The following DGKB variants were observed in gnomAD, a reference collection of about 807,000 sequenced individuals.
The protein encoded by DGKB is diacylglycerol kinase beta.
Under a neutral mutation model 114.3 loss-of-function variants are expected in DGKB, and 67 were observed. The observed-to-expected ratio is 0.59, with a 90% CI of 0.48 to 0.72. The LOEUF (loss-of-function observed/expected upper bound fraction) is 0.72. DGKB is among the 30% of genes least tolerant of loss of function. DGKB has a pLI of 0.00. For synonymous variants in DGKB, 398 were observed against 323.1 expected (o/e 1.23, Z -2.49); for missense variants, 907 against 975.2 (o/e 0.93, Z 0.93).
chr7:14,161,022 A>C (rs548908901), intron 25 of DGKB, among the ~76,000 whole-genome samples: 3 of 152,246 alleles, frequency 2.0e-5, no homozygotes, highest in Non-Finnish European at 4.4e-5. Context: ...GACACTTCTC[A>C]AAAGAAGACA....
intron 20 of DGKB, among the ~76,000 whole-genome samples, chr7:14,526,969 T>G (rs1043287798): frequency 6.6e-6 from 1 of 152,164 alleles, no homozygotes; most frequent in African/African-American, 2.4e-5. Flanking sequence ...ACTAGTAATA[T>G]GTTTAATTCA....
intron 1 of DGKB, among the ~76,000 whole-genome samples, chr7:14,869,464 A>C (rs1004818410): frequency 9.8e-5 from 15 of 152,308 alleles, no homozygotes; most frequent in African/African-American, 3.6e-4. Context: ...ATTAAGAAAC[A>C]TTCTTTGTAT....
chr7:14,864,278 A>G (rs1196050791), intron 1 of DGKB, among the ~76,000 whole-genome samples: 1 of 152,142 alleles, frequency 6.6e-6, no homozygotes, highest in Non-Finnish European at 1.5e-5. Context: ...AGCAGAATCT[A>G]TGTCAAATAT....
rs1413686940 is a variant in DGKB at position 14,601,221 on chromosome 7, T to C, written c.1433+6213A>G. ...CACAGATGGAGTGGCCCAGGAGTGC[T>C]GCACTAGAATGCATTGAGCAGAAAC... On this transcript the variant is annotated intron_variant, in intron 17 of 25. Transcript: ENST00000402815. Among the ~76,000 whole-genome samples the C allele has an allele frequency of 2.6e-5, 4 of 152,168 alleles. No individual in the cohort carries two copies. In the East Asian group the frequency reaches 7.7e-4, roughly 29 times the overall value.
chr7:14,207,205 A>G (rs1371644004), intron 23 of DGKB, among the ~76,000 whole-genome samples: 2 of 152,096 alleles, frequency 1.3e-5, no homozygotes, highest in Admixed American at 6.6e-5. Context: ...TATGTGATCC[A>G]TCAACATATG....
At chr7:14,259,379 T>TTCTC (rs752185464) in intron 23 of DGKB, among the ~76,000 whole-genome samples, 140 of 142,370 alleles carry the variant, frequency 9.8e-4, no homozygotes, top group South Asian at 3.7e-3. Context: ...CTAGTAAAGT[T>TTCTC]TCTCTCTCTC....
chr7:14,326,503 T>C (rs1416976095), intron 23 of DGKB, among the ~76,000 whole-genome samples: 4 of 152,102 alleles, frequency 2.6e-5, no homozygotes, highest in Non-Finnish European at 5.9e-5. Context: ...GGAATCACCA[T>C]AGAATGGACA....
intron 2 of DGKB, among the ~76,000 whole-genome samples, chr7:14,839,968 A>G (rs1427375618): frequency 6.6e-6 from 1 of 152,158 alleles, no homozygotes; most frequent in Non-Finnish European, 1.5e-5. Flanking sequence ...TTCAGATAAT[A>G]TACATGAAGC....
chr7:14,610,336 C>T (rs988141706), intron 16 of DGKB, among the ~76,000 whole-genome samples: 5 of 151,938 alleles, frequency 3.3e-5, no homozygotes, highest in African/African-American at 1.2e-4. Context: ...TGAGAACACA[C>T]ACACTTAAAC....
intron 23 of DGKB, among the ~76,000 whole-genome samples, chr7:14,309,607 C>T (rs1181132263): frequency 6.6e-6 from 1 of 152,182 alleles, no homozygotes; most frequent in Non-Finnish European, 1.5e-5. Flanking sequence ...TTTCTCTGGG[C>T]CTGCAGAAGT....
chr7:14,870,162 C>T (rs574214512), intron 1 of DGKB, among the ~76,000 whole-genome samples: 1 of 152,204 alleles, frequency 6.6e-6, no homozygotes, highest in African/African-American at 2.4e-5. Flanking sequence ...CCATTCTCAC[C>T]TAACACCCAG....
At chr7:14,487,640 A>C (rs1266633963) in intron 20 of DGKB, among the ~76,000 whole-genome samples, 1 of 139,100 alleles carries the variant, frequency 7.2e-6, no homozygotes, top group African/African-American at 2.6e-5. Flanking sequence ...GCTGGAGTGC[A>C]GTGGTGACAT....
At chr7:14,792,283 T>G (rs1044224877) in intron 2 of DGKB, among the ~76,000 whole-genome samples, 1 of 152,150 alleles carries the variant, frequency 6.6e-6, no homozygotes, top group Non-Finnish European at 1.5e-5. Flanking sequence ...TAATAATGAA[T>G]GTAAGGTATT....
At chr7:14,331,744 T>C (rs1009064159) in intron 23 of DGKB, among the ~76,000 whole-genome samples, 13 of 152,144 alleles carry the variant, frequency 8.5e-5, no homozygotes, top group African/African-American at 3.1e-4. Flanking sequence ...AAAAGAAATT[T>C]AAGTTTTGCC....
chr7:14,465,905 C>T (rs779809240), intron 21 of DGKB, among the ~76,000 whole-genome samples: 3 of 151,850 alleles, frequency 2.0e-5, no homozygotes, highest in Non-Finnish European at 4.4e-5. Flanking sequence ...TTACTCCTAG[C>T]TGCTGGTGTA....
chr7:14,822,634 C>G (rs1845101171), intron 2 of DGKB, among the ~76,000 whole-genome samples: 1 of 152,210 alleles, frequency 6.6e-6, no homozygotes, highest in South Asian at 2.1e-4. Context: ...TGTTATATGA[C>G]AGGCTATTCT....
intron 14 of DGKB, 72 bp from the exon 15 acceptor site, chr7:14,621,566 C>G (rs1807664112): frequency 1.1e-6 from 1 of 907,114 alleles, no homozygotes; most frequent in East Asian, 2.7e-5. Context: ...GTTGTTTTTA[C>G]TAATAGAAGA....
intron 7 of DGKB, among the ~76,000 whole-genome samples, chr7:14,700,697 T>C (rs2129009863): frequency 6.6e-6 from 1 of 152,336 alleles, no homozygotes; most frequent in African/African-American, 2.4e-5. Context: ...GCTTTGCTTT[T>C]AAAAGTCTAT....
intron 23 of DGKB, among the ~76,000 whole-genome samples, chr7:14,231,194 T>C (rs947765654): frequency 2.6e-5 from 4 of 151,120 alleles, no homozygotes; most frequent in African/African-American, 7.3e-5. Context: ...CAGACTGGAG[T>C]AAAATCATAG....
Sources: gnomAD v4.1 joint callset for allele counts (sites outside exome capture counted in the v4.1 genomes callset) on GRCh38, gnomAD v4.1.1 for gene constraint, MANE v1.5 for transcripts, NCBI Gene and HGNC (gene_info 2026-07-23, HGNC 2026-07-21) for gene names.